Variants in FAM153A observed in about 807,000 individuals in gnomAD.
The protein encoded by FAM153A is family with sequence similarity 153 member A.
Under a neutral mutation model 48.1 loss-of-function variants are expected in FAM153A, and 12 were observed. That is an observed-to-expected ratio of 0.25 (90% CI 0.16 to 0.40). FAM153A has a LOEUF of 0.40. FAM153A is among the 10% of genes least tolerant of loss of function. The pLI is 1.00. For missense variants in FAM153A, 111 were observed against 345.8 expected (o/e 0.32, Z 5.38); for synonymous variants, 36 against 118.2 (o/e 0.30, Z 4.51).
At chr5:177,694,854 C>A in the FAM153A span, among the ~76,000 whole-genome samples, 1 of 150,068 alleles carries the variant, frequency 6.7e-6, no homozygotes, top group Non-Finnish European at 1.5e-5. Context: ...AGCCTGATTC[C>A]TTTTCCCTAA....
At chr5:177,750,276 T>G (rs369741250) in intron 2 of FAM153A, 14 of 155,792 alleles carry the variant, frequency 9.0e-5, no homozygotes, top group East Asian at 3.8e-4. Flanking sequence ...CAGGTCATGT[T>G]TAGGATGTGA....
chr5:177,719,031 C>T (rs1760513331), downstream of FAM153A, among the ~76,000 whole-genome samples: 1 of 151,488 alleles, frequency 6.6e-6, no homozygotes, highest in Non-Finnish European at 1.5e-5. Flanking sequence ...CACGCGTGCA[C>T]CACCTTGCCT....
intron 25 of FAM153A, among the ~76,000 whole-genome samples, chr5:177,716,151 T>C (rs189461211): frequency 1.3e-5 from 2 of 151,372 alleles, no homozygotes; most frequent in South Asian, 2.1e-4. Flanking sequence ...GCTCAGCTAA[T>C]TTTCGTGTTT....
the FAM153A span, among the ~76,000 whole-genome samples, chr5:177,700,965 G>A: frequency 6.6e-6 from 1 of 151,932 alleles, no homozygotes; most frequent in Non-Finnish European, 1.5e-5. Flanking sequence ...ATAATCCCCA[G>A]TGTTGGAAGT....
At chr5:177,781,275 T>A (rs1178529044), upstream of FAM153A, among the ~76,000 whole-genome samples, 1 of 140,846 alleles carries the variant, frequency 7.1e-6, no homozygotes, top group Non-Finnish European at 1.5e-5. Context: ...TTTTTTTTTT[T>A]TTTTTTTTTT....
upstream of FAM153A, among the ~76,000 whole-genome samples, chr5:177,781,378 C>A (rs1769647938): frequency 6.9e-6 from 1 of 144,230 alleles, no homozygotes; most frequent in East Asian, 2.2e-4. Flanking sequence ...ACCTCGGCCT[C>A]CCAAAGTGCT....
At chr5:177,737,208 G>T in intron 10 of FAM153A, 96 bp from the exon 13 acceptor site, 1 of 1,565,380 alleles carries the variant, frequency 6.4e-7, no homozygotes, top group Non-Finnish European at 8.7e-7. Flanking sequence ...TGTGTGGAAA[G>T]GTGTGTTCAC....
downstream of FAM153A, among the ~76,000 whole-genome samples, chr5:177,707,097 G>A (rs1021135648): frequency 2.6e-5 from 4 of 151,874 alleles, no homozygotes; most frequent in Non-Finnish European, 4.4e-5. Flanking sequence ...AATAGCTGGG[G>A]ACTCCAACAC....
the FAM153A span, among the ~76,000 whole-genome samples, chr5:177,696,986 G>A: frequency 6.6e-6 from 1 of 151,896 alleles, no homozygotes; most frequent in Non-Finnish European, 1.5e-5. Context: ...AAAAAAGGCA[G>A]GTGGAATTTT....
chr5:177,701,955 G>A, the FAM153A span, among the ~76,000 whole-genome samples: 36 of 151,486 alleles, frequency 2.4e-4, 1 homozygote, highest in East Asian at 4.3e-3. Flanking sequence ...TGGCCCAGGC[G>A]GGAGTGCAGT....
chr5:177,706,846 A>T (rs1346139163), downstream of FAM153A: 1 of 151,972 alleles, frequency 6.6e-6, no homozygotes, highest in Non-Finnish European at 1.5e-5. Flanking sequence ...AAGAAGTGAG[A>T]TTCAATGAAG....
intron 1 of FAM153A, among the ~76,000 whole-genome samples, chr5:177,758,922 C>G (rs1453861887): frequency 3.3e-5 from 5 of 151,562 alleles, no homozygotes. Flanking sequence ...TGGGCAAGGA[C>G]TTCATGTCTA....
At chr5:177,743,215 TTTTTTG>T (rs1765598633) in intron 6 of FAM153A, among the ~76,000 whole-genome samples, 1 of 109,450 alleles carries the variant, frequency 9.1e-6, no homozygotes, top group Non-Finnish European at 1.9e-5. Flanking sequence ...TGTTTTTTTT[TTTTTTG>T]CAACAGCCTT....
chr5:177,776,657 T>A, intron 1 of FAM153A, among the ~76,000 whole-genome samples: 1 of 51,402 alleles, frequency 1.9e-5, no homozygotes, highest in Non-Finnish European at 3.6e-5. Flanking sequence ...GTAGGAAGAA[T>A]CAATATCGTG....
chr5:177,781,957 T>C (rs371343239), upstream of FAM153A, among the ~76,000 whole-genome samples: 1 of 84,606 alleles, frequency 1.2e-5, no homozygotes, highest in East Asian at 3.7e-4. Flanking sequence ...TCTCGATCTC[T>C]TGACCTGGTG....
At chr5:177,702,187 C>T in the FAM153A span, among the ~76,000 whole-genome samples, 5 of 151,952 alleles carry the variant, frequency 3.3e-5, no homozygotes, top group South Asian at 8.3e-4. Context: ...GGATTACAAG[C>T]GTGAGCCACC....
At chr5:177,717,242 CAG>C (rs1471745867) in exon 24 of FAM153A, 1 of 139,328 alleles carries the variant, frequency 7.2e-6, no homozygotes, top group African/African-American at 2.8e-5. Flanking sequence ...CATGAGAAAT[CAG>C]AGCTGTTATT....
chr5:177,728,529 A>G (rs1763068328), intron 18 of FAM153A, among the ~76,000 whole-genome samples: 1 of 143,618 alleles, frequency 7.0e-6, no homozygotes, highest in Non-Finnish European at 1.5e-5. Context: ...TGGTTAGAGT[A>G]CTGGACTCTT....
upstream of FAM153A, among the ~76,000 whole-genome samples, chr5:177,757,678 C>A (rs1408819056): frequency 2.0e-5 from 3 of 151,388 alleles, no homozygotes; most frequent in Non-Finnish European, 4.4e-5. Context: ...TCAACATACG[C>A]AAATCAATAA....
Sources: gnomAD v4.1 joint callset for allele counts (sites outside exome capture counted in the v4.1 genomes callset) on GRCh38, gnomAD v4.1.1 for gene constraint, MANE v1.5 for transcripts, NCBI Gene and HGNC (gene_info 2026-07-23, HGNC 2026-07-21) for gene names.